PCDHA1: variants seen among roughly 807,000 people sequenced by gnomAD.
PCDHA1 encodes protocadherin alpha 1.
In PCDHA1, 42 loss-of-function variants were observed where a neutral mutation model predicts 61.3. The ratio of observed to expected loss-of-function variants is 0.69; its 90% CI spans 0.54 to 0.89. PCDHA1 has a LOEUF of 0.89. PCDHA1 is among the 40% of genes least tolerant of loss of function. The pLI is 0.00. For synonymous variants in PCDHA1, 610 were observed against 553.8 expected (o/e 1.10, Z -1.43); for missense variants, 1,256 against 1,235.3 (o/e 1.02, Z -0.25).
At chr5:140,863,101 C>T in intron 1 of PCDHA1, 1 of 580,234 alleles carries the variant, frequency 1.7e-6, no homozygotes, top group Non-Finnish European at 3.4e-6. Flanking sequence ...GACGAGTACC[C>T]TGGACGAGGC....
At chr5:140,818,094 G>C (rs1213781361) in intron 1 of PCDHA1, among the ~76,000 whole-genome samples, 7 of 151,990 alleles carry the variant, frequency 4.6e-5, no homozygotes, top group Non-Finnish European at 1.0e-4. Flanking sequence ...TATATCTGTG[G>C]GTTGATAATA....
intron 1 of PCDHA1, among the ~76,000 whole-genome samples, chr5:140,800,801 A>G (rs1287375050): frequency 1.3e-5 from 2 of 152,262 alleles, no homozygotes; most frequent in Admixed American, 1.3e-4. Flanking sequence ...AGGAATCACA[A>G]TATTTTAGTG....
At chr5:140,968,231 T>A in intron 1 of PCDHA1, 1 of 1,614,032 alleles carries the variant, frequency 6.2e-7, no homozygotes. Context: ...TGTGTTGCTC[T>A]GTACTGTGCA....
rs148144382 is a variant in PCDHA1 at position 140,914,978 on chromosome 5, G to C, written c.2395-63971G>C. On this transcript the variant is annotated intron_variant, in intron 1 of 3. Coordinates refer to ENST00000504120, the MANE Select transcript of PCDHA1 (RefSeq NM_018900.4). ...TTTTTTTTTTCTGAGTCAGAGTCTT[G>C]CTCTGCTACCAGGCTGGAGTGCAGT... Among the ~76,000 whole-genome samples the C allele has an allele frequency of 8.9e-3, 1,161 of 130,768 alleles. 6 individuals are homozygous for C. Among genetic ancestry groups the C allele is most frequent in the African/African-American group, 0.022 (758 of 34,950 alleles). 85.8% of individuals were successfully genotyped at this position (130,768 alleles called of 152,430 possible).
chr5:140,805,804 A>G (rs548207122), intron 1 of PCDHA1, among the ~76,000 whole-genome samples: 2 of 152,304 alleles, frequency 1.3e-5, no homozygotes, highest in East Asian at 1.9e-4. Context: ...TTAGAAAATC[A>G]TAGAGGCTAT....
At chr5:140,824,196 A>G (rs1554129794) in intron 1 of PCDHA1, 1 of 1,598,358 alleles carries the variant, frequency 6.3e-7, no homozygotes, top group East Asian at 2.2e-5. Context: ...ACATTCACCC[A>G]CTTTTTTTGT....
At chr5:140,962,348 C>T (rs2095675606) in intron 1 of PCDHA1, among the ~76,000 whole-genome samples, 1 of 152,130 alleles carries the variant, frequency 6.6e-6, no homozygotes, top group South Asian at 2.1e-4. Flanking sequence ...AGTAAAACTC[C>T]CCCCAATACT....
At chr5:140,931,975 T>C (rs2087911858) in intron 1 of PCDHA1, among the ~76,000 whole-genome samples, 1 of 151,962 alleles carries the variant, frequency 6.6e-6, no homozygotes, top group Non-Finnish European at 1.5e-5. Flanking sequence ...CATATGTGTT[T>C]ATATTTTGCT....
intron 3 of PCDHA1, among the ~76,000 whole-genome samples, chr5:140,989,861 C>G (rs1449611550): frequency 6.6e-6 from 1 of 152,042 alleles, no homozygotes; most frequent in Non-Finnish European, 1.5e-5. Context: ...GGAGAGGAAT[C>G]TTTCTCTGCC....
rs926604630 is a variant in PCDHA1 at position 140,857,768 on chromosome 5, G to C, written c.2394+69084G>C. ...GGCGTCTCCCGCTGGCAGCGCGGGC[G>C]GTGCAGTCAGTGAGCTGGTGCTGCG... On this transcript the variant is annotated intron_variant, in intron 1 of 3. Transcript: ENST00000504120. 6 of 1,597,542 alleles carry C rather than the reference G, an allele frequency of 3.8e-6. 2 individuals carry two copies. In the South Asian group the frequency reaches 5.5e-5, roughly 15 times the overall value.
At chr5:140,821,916 C>A (rs1554128319) in intron 1 of PCDHA1, 1 of 1,614,106 alleles carries the variant, frequency 6.2e-7, no homozygotes, top group East Asian at 2.2e-5. Context: ...TTGGCCGCAT[C>A]GCGCAGGACC....
chr5:140,861,346 C>T (rs2046871504), intron 1 of PCDHA1: 2 of 294,962 alleles, frequency 6.8e-6, no homozygotes, highest in South Asian at 3.7e-5. Context: ...AGGCCAAGGA[C>T]GGCACATAGC....
At chr5:140,854,572 C>T (rs2043163133) in intron 1 of PCDHA1, 2 of 149,770 alleles carry the variant, frequency 1.3e-5, no homozygotes, top group South Asian at 4.2e-4. Context: ...CTCTGTCATT[C>T]AGATTTTAAT....
At chr5:140,830,534 A>G (rs2150187511) in intron 1 of PCDHA1, 2 of 1,251,108 alleles carry the variant, frequency 1.6e-6, no homozygotes, top group South Asian at 4.1e-5. Context: ...TAAATTTATA[A>G]TTGTTTTCCT....
chr5:140,965,954 C>A lies in PCDHA1; in HGVS notation c.2395-12995C>A, dbSNP rs567785452. Among the ~76,000 whole-genome samples the A allele has an allele frequency of 9.8e-4, 149 of 152,300 alleles. 1 individual carries two copies. The highest frequency in any genetic ancestry group is 1.7e-3 in the Non-Finnish European group (115 of 68,034). The stretch of plus-strand genomic sequence containing the variant: ...GGAAAGAGGGCAGCATTTGCCATCC[C>A]CCTCCTTTTGCCCTAGGAGTTGAGC... On this transcript the variant is annotated intron_variant, in intron 1 of 3. Coordinates refer to ENST00000504120, the MANE Select transcript of PCDHA1 (RefSeq NM_018900.4).
intron 3 of PCDHA1, among the ~76,000 whole-genome samples, chr5:140,994,883 A>G (rs1197020328): frequency 2.6e-5 from 4 of 152,222 alleles, no homozygotes; most frequent in Non-Finnish European, 5.9e-5. Context: ...AAGAGATGTT[A>G]GGAAATGAGA....
Position 140,843,714 on chromosome 5 carries a change from A to C in PCDHA1, c.2394+55030A>C, listed in dbSNP as rs782749981. ...GATTTAAATGTTGATCATGGCCTCA[A>C]AGTAAGTCCATTTAAATTTAGAACT... is the stretch of plus-strand genomic sequence containing the variant. On this transcript the variant is annotated intron_variant, in intron 1 of 3. Transcript: ENST00000504120. The C allele has an allele frequency of 2.5e-6, 4 of 1,569,610 alleles. 1 individual carries two copies. The highest frequency in any genetic ancestry group is 1.4e-5 in the African/African-American group (1 of 73,998).
At chr5:140,883,626 C>A (rs782798960) in intron 1 of PCDHA1, 2 of 1,613,968 alleles carry the variant, frequency 1.2e-6, no homozygotes, top group Non-Finnish European at 1.7e-6. Flanking sequence ...GACAACGCGC[C>A]GGCGTTCGCG....
Position 140,841,112 on chromosome 5 carries a change from C to A in PCDHA1, c.2394+52428C>A, listed in dbSNP as rs190685960. The A allele has an allele frequency of 8.3e-6, 5 of 602,150 alleles. No individual in the cohort carries two copies. In the East Asian group the frequency reaches 1.4e-4, roughly 17 times the overall value. 37.3% of individuals were successfully genotyped at this position (602,150 alleles called of 1,614,324 possible). On this transcript the variant is annotated intron_variant, in intron 1 of 3. Transcript: ENST00000504120. ...GAACCCAGATATTGCGGAAGTAATT[C>A]ATGTAATCATTACCTTTTGAAGCCA... is the stretch of plus-strand genomic sequence containing the variant.
Sources: allele counts gnomAD v4.1 joint callset (sites outside exome capture counted in the v4.1 genomes callset), GRCh38; gene constraint gnomAD v4.1.1; transcripts MANE v1.5; gene names NCBI Gene and HGNC (gene_info 2026-07-23, HGNC 2026-07-21).